Variants in PRPSAP2 observed in about 807,000 individuals in gnomAD.
PRPSAP2 encodes the protein phosphoribosyl pyrophosphate synthetase associated protein 2.
PRPSAP2 carries 24 observed loss-of-function variants against 40.6 expected under a neutral mutation model. The ratio of observed to expected loss-of-function variants is 0.59; its 90% CI spans 0.43 to 0.83. The LOEUF is 0.83. PRPSAP2 is among the 40% of genes least tolerant of loss of function. The pLI, the probability that PRPSAP2 is intolerant of heterozygous loss-of-function variation, is 0.00. For synonymous variants in PRPSAP2, 149 were observed against 164.7 expected, an observed-to-expected ratio of 0.90 and a Z score of 0.73; for missense variants, 292 against 465.6, an observed-to-expected ratio of 0.63 and a Z score of 3.43.
At chr17:18,867,054 A>G (rs11868520) in intron 3 of PRPSAP2, among the ~76,000 whole-genome samples, 80,813 of 151,808 alleles carry the variant, frequency 0.53, 21,781 homozygotes, top group Middle Eastern at 0.6. Flanking sequence ...GAAGATGGCT[A>G]GTGAGGCAGG....
chr17:18,885,395 C>G (rs1473691948), intron 7 of PRPSAP2, among the ~76,000 whole-genome samples: 7 of 86,188 alleles, frequency 8.1e-5, no homozygotes, highest in African/African-American at 2.5e-4. Flanking sequence ...GAGTGAGATT[C>G]CTTCTCACAA....
At chr17:18,906,603 C>G (rs1259259280) in intron 8 of PRPSAP2, among the ~76,000 whole-genome samples, 1 of 152,112 alleles carries the variant, frequency 6.6e-6, no homozygotes, top group African/African-American at 2.4e-5. Flanking sequence ...CATTCTCCTG[C>G]CTTCGTCTCA....
At chr17:18,897,274 A>G (rs1417403160) in intron 8 of PRPSAP2, among the ~76,000 whole-genome samples, 1 of 152,142 alleles carries the variant, frequency 6.6e-6, no homozygotes, top group Non-Finnish European at 1.5e-5. Flanking sequence ...TTGCTCTTTA[A>G]CAAGATTCAG....
chr17:18,928,634 T>G (rs1164474014), intron 10 of PRPSAP2, 177 bp from the exon 11 acceptor site: 1 of 712,104 alleles, frequency 1.4e-6, no homozygotes. Flanking sequence ...GTGAAAGTAC[T>G]GGAGGGCTGC....
At chr17:18,924,768 C>CAAAA (rs869181375) in intron 10 of PRPSAP2, among the ~76,000 whole-genome samples, 1 of 84,740 alleles carries the variant, frequency 1.2e-5, no homozygotes, top group East Asian at 4.1e-4. Context: ...GGCTGTGTCT[C>CAAAA]AAAAAAAAAA....
intron 8 of PRPSAP2, among the ~76,000 whole-genome samples, chr17:18,895,787 AG>A (rs773522284): frequency 4.6e-5 from 7 of 151,732 alleles, no homozygotes; most frequent in Non-Finnish European, 1.0e-4. Context: ...CACCAAACCC[AG>A]CTAATTTTTG....
rs550631735 is a variant in PRPSAP2 at position 18,878,893 on chromosome 17, G to A, written c.412+1023G>A. 3.9e-5 allele frequency among the ~76,000 whole-genome samples: 6 copies of A among 151,952 alleles called. No homozygotes were observed. In the East Asian group the frequency reaches 5.8e-4, roughly 15 times the overall value. ...ATTCTGTTTATTTATTTTTTGAGAC[G>A]GAGTCTTGCTCCGTTGCCCAGGCTG... On this transcript the variant is annotated intron_variant, in intron 6 of 11. Transcript: ENST00000268835.
intron 9 of PRPSAP2, among the ~76,000 whole-genome samples, chr17:18,923,256 A>G (rs1212909645): frequency 9.5e-6 from 1 of 105,400 alleles, no homozygotes; most frequent in Non-Finnish European, 1.9e-5. Flanking sequence ...CACTTGGCTA[A>G]TTTTTTTTTT....
intron 3 of PRPSAP2, among the ~76,000 whole-genome samples, chr17:18,867,036 T>C (rs1338981848): frequency 1.3e-5 from 2 of 151,678 alleles, no homozygotes; most frequent in African/African-American, 4.8e-5. Context: ...GAGTACAGAG[T>C]GTCCAAGGAA....
chr17:18,927,349 C>T (rs1021252494), intron 10 of PRPSAP2, among the ~76,000 whole-genome samples: 12 of 152,238 alleles, frequency 7.9e-5, no homozygotes, highest in African/African-American at 2.4e-4. Context: ...AACCACTGAT[C>T]TGTCCCCTGT....
chr17:18,915,925 T>G (rs2041282963), intron 9 of PRPSAP2, among the ~76,000 whole-genome samples: 1 of 151,718 alleles, frequency 6.6e-6, no homozygotes, highest in Non-Finnish European at 1.5e-5. Context: ...GTTCAAGCAG[T>G]TCTCCTGCCT....
chr17:18,861,581 C>T (rs1475712309), intron 1 of PRPSAP2: 1 of 152,122 alleles, frequency 6.6e-6, no homozygotes, highest in Admixed American at 6.6e-5. Flanking sequence ...GGATGCTCCC[C>T]AGTCCACTCC....
chr17:18,899,610 C>T (rs1157555188), intron 8 of PRPSAP2, among the ~76,000 whole-genome samples: 1 of 143,042 alleles, frequency 7.0e-6, no homozygotes, highest in African/African-American at 2.6e-5. Context: ...CTCACTGCAA[C>T]CTCTGCCTCC....
intron 8 of PRPSAP2, among the ~76,000 whole-genome samples, chr17:18,893,458 G>A (rs1177862699): frequency 6.6e-6 from 1 of 151,890 alleles, no homozygotes; most frequent in African/African-American, 2.4e-5. Flanking sequence ...CTGATGTCAT[G>A]TCTAAGAATC....
At chr17:18,915,244 T>C (rs62076161) in intron 9 of PRPSAP2, among the ~76,000 whole-genome samples, 9,671 of 151,584 alleles carry the variant, frequency 0.064, 378 homozygotes, top group East Asian at 0.088. Context: ...AGGTTGGTTT[T>C]GAACTCTTGG....
chr17:18,896,513 G>T (rs967896105), intron 8 of PRPSAP2, among the ~76,000 whole-genome samples: 1 of 151,192 alleles, frequency 6.6e-6, no homozygotes, highest in East Asian at 1.9e-4. Flanking sequence ...CTGGGTAAGC[G>T]CATGTTCTTT....
chr17:18,924,855 C>T (rs989391709), intron 10 of PRPSAP2, among the ~76,000 whole-genome samples: 2 of 151,892 alleles, frequency 1.3e-5, no homozygotes, highest in African/African-American at 4.8e-5. Context: ...CACAGTGGCT[C>T]ATGCCTATAA....
At chr17:18,913,073 A>G (rs1390937075) in intron 9 of PRPSAP2, among the ~76,000 whole-genome samples, 1 of 152,136 alleles carries the variant, frequency 6.6e-6, no homozygotes, top group Non-Finnish European at 1.5e-5. Flanking sequence ...TGCATCTCTC[A>G]GGCTGGAGTT....
chr17:18,924,032 T>C, intron 10 of PRPSAP2, 48 bp downstream of exon 10: 1 of 1,532,156 alleles, frequency 6.5e-7, no homozygotes, highest in Admixed American at 1.7e-5. Context: ...CCATTGTTAT[T>C]CTGTTGATTG....
Sources: allele counts gnomAD v4.1 joint callset (sites outside exome capture counted in the v4.1 genomes callset), GRCh38; gene constraint gnomAD v4.1.1; transcripts MANE v1.5; gene names NCBI Gene and HGNC (gene_info 2026-07-23, HGNC 2026-07-21).